EZH1: variants seen among roughly 807,000 people sequenced by gnomAD.
EZH1 encodes the protein histone-lysine N-methyltransferase EZH1.
EZH1 carries 33 observed loss-of-function variants against 100.5 expected under a neutral mutation model. The observed-to-expected ratio is 0.33, with a 90% CI of 0.25 to 0.44. The LOEUF (loss-of-function observed/expected upper bound fraction) is 0.44. EZH1 is among the 20% of genes least tolerant of loss of function. The probability of loss-of-function intolerance (pLI) is 1.00; values close to 1 mark genes in which losing one functional copy is unlikely to be tolerated. For synonymous variants in EZH1, 272 were observed against 313.8 expected (o/e 0.87, Z 1.41); for missense variants, 475 against 928.4 (o/e 0.51, Z 6.35).
chr17:42,732,882 A>G (rs1376926099), intron 1 of EZH1, among the ~76,000 whole-genome samples: 1 of 151,874 alleles, frequency 6.6e-6, no homozygotes, highest in Non-Finnish European at 1.5e-5. Context: ...CTAGGAGATC[A>G]AGGCTAGAGT....
intron 5 of EZH1, 44 bp from the exon 6 acceptor site, chr17:42,722,959 C>A: frequency 6.3e-7 from 1 of 1,595,738 alleles, no homozygotes; most frequent in Non-Finnish European, 8.5e-7. Context: ...AGCCATCATG[C>A]ATCTGCTCTT....
rs1257033906 is a variant in EZH1 at position 42,706,943 on chromosome 17, A to G, written c.1661-758T>C. Among the ~76,000 whole-genome samples the G allele has an allele frequency of 6.6e-6, 1 of 152,146 alleles. No homozygotes were observed. Among genetic ancestry groups the G allele is most frequent in the African/African-American group, 2.4e-5 (1 of 41,428 alleles). On this transcript the variant is annotated intron_variant, in intron 15 of 20. Coordinates refer to ENST00000428826, the MANE Select transcript of EZH1 (RefSeq NM_001991.5). This position sits in a 1 kb window ranked among gnomAD's most constrained non-coding sequence, Gnocchi z 4.4. ...CTTCTCTGCTGCGGCTAAGATCACT[A>G]TCTGCTATGGGTTAGGAGGTATTTC...
chr17:42,709,561 G>A, intron 13 of EZH1: 1 of 315,436 alleles, frequency 3.2e-6, no homozygotes, highest in South Asian at 8.3e-5. Flanking sequence ...AATGGCTTCA[G>A]GGTGGAGCCA....
chr17:42,718,341 A>C lies in EZH1; in HGVS notation c.931+113T>G. 7.2e-7 allele frequency: 1 copy of C among 1,388,994 alleles called. No homozygotes were observed. The highest frequency in any genetic ancestry group is 9.7e-7 in the Non-Finnish European group (1 of 1,027,690). 86.0% of individuals were successfully genotyped at this position (1,388,994 alleles called of 1,614,324 possible). ...GGGAAAATAGAACTGGCCCTTTGTA[A>C]AACGTTAGAACAGAAGCCAGGAACT... On this transcript the variant is annotated intron_variant, in intron 9 of 20. Transcript: ENST00000428826. This position sits in a 1 kb window ranked among gnomAD's most constrained non-coding sequence, Gnocchi z 4.2.
intron 1 of EZH1, among the ~76,000 whole-genome samples, chr17:42,738,892 G>A (rs1455426023): frequency 6.6e-6 from 1 of 151,012 alleles, no homozygotes; most frequent in African/African-American, 2.4e-5. Flanking sequence ...CCCCTGAGTA[G>A]CTGGGACTAT....
intron 4 of EZH1, among the ~76,000 whole-genome samples, chr17:42,724,792 A>G (rs556600733): frequency 3.4e-4 from 51 of 151,718 alleles, no homozygotes; most frequent in East Asian, 1.9e-4. Context: ...AAAGAAAAAA[A>G]AGAGAAAAAA....
At chr17:42,703,227 T>A in intron 19 of EZH1, 1 of 395,814 alleles carries the variant, frequency 2.5e-6, no homozygotes, top group Non-Finnish European at 4.7e-6. Flanking sequence ...CAGGCTGGAG[T>A]GCAGTGGCAT....
chr17:42,704,554 A>G (rs1353291906), intron 18 of EZH1, 48 bp downstream of exon 18: 4 of 1,469,330 alleles, frequency 2.7e-6, no homozygotes, highest in Non-Finnish European at 3.8e-6. Flanking sequence ...TCTCAAAAAA[A>G]GAAAAAAAAA....
At position 42,745,028 on chromosome 17, in the gene EZH1, G is replaced by T; in HGVS notation, c.-120C>A. ...TCACTCACCCTCCATCCCGAGCCGC[G>T]GGTCCCGCTGCTAGGACGCATGCGC... On this transcript the variant is annotated 5_prime_UTR_variant, in exon 1 of 21. Coordinates refer to ENST00000428826, the MANE Select transcript of EZH1 (RefSeq NM_001991.5). The T allele has an allele frequency of 7.9e-7, 1 of 1,260,326 alleles. No homozygotes were observed. The allele number at this position is 1,260,326 out of a possible 1,614,324, so 78.1% of individuals were successfully genotyped here. A position where few individuals can be genotyped will look rare whatever the true frequency, so the allele number is the denominator to read the frequency against.
At chr17:42,736,517 T>G (rs985800539) in intron 1 of EZH1, among the ~76,000 whole-genome samples, 2 of 152,210 alleles carry the variant, frequency 1.3e-5, no homozygotes, top group Non-Finnish European at 2.9e-5. Flanking sequence ...TTCTATACAT[T>G]CACACCACAT....
At chr17:42,708,596 A>G (rs1317389979) in intron 14 of EZH1, among the ~76,000 whole-genome samples, 1 of 152,180 alleles carries the variant, frequency 6.6e-6, no homozygotes, top group African/African-American at 2.4e-5. Context: ...CGGAGGTTGC[A>G]GTGAGCCAAG....
At chr17:42,742,264 T>C (rs2054190559) in intron 1 of EZH1, among the ~76,000 whole-genome samples, 1 of 151,752 alleles carries the variant, frequency 6.6e-6, no homozygotes, top group Non-Finnish European at 1.5e-5. Flanking sequence ...CACCTCTGTC[T>C]CCCAAGAGCT....
intron 15 of EZH1, among the ~76,000 whole-genome samples, chr17:42,707,582 AT>A (rs1328897858): frequency 6.6e-6 from 1 of 151,846 alleles, no homozygotes; most frequent in Non-Finnish European, 1.5e-5. Context: ...TTTAGTAGAG[AT>A]GAGGTTTCGC....
chr17:42,721,860 A>G (rs533707781), intron 6 of EZH1, among the ~76,000 whole-genome samples: 3 of 151,964 alleles, frequency 2.0e-5, no homozygotes, highest in East Asian at 3.9e-4. Context: ...AAATTTTAAA[A>G]ATAAGCCAGG....
chr17:42,704,759 G>T, intron 17 of EZH1, 76 bp from the exon 18 acceptor site: 8 of 1,185,484 alleles, frequency 6.7e-6, no homozygotes, highest in Non-Finnish European at 8.6e-6. Flanking sequence ...CCCAGAAAGG[G>T]CTGGGTGGTA....
chr17:42,726,903 G>T (rs2053832039), intron 4 of EZH1, among the ~76,000 whole-genome samples: 1 of 151,870 alleles, frequency 6.6e-6, no homozygotes. Flanking sequence ...AGGCTGGAGT[G>T]CAGTGGTGTG....
At chr17:42,733,855 C>A (rs918752064) in intron 1 of EZH1, among the ~76,000 whole-genome samples, 2 of 144,366 alleles carry the variant, frequency 1.4e-5, no homozygotes, top group East Asian at 4.2e-4. Context: ...GCAGAAGAAT[C>A]GATTGAACAC....
At chr17:42,735,494 A>T (rs1035111019) in intron 1 of EZH1, among the ~76,000 whole-genome samples, 3 of 152,160 alleles carry the variant, frequency 2.0e-5, no homozygotes, top group African/African-American at 7.2e-5. Flanking sequence ...TTTCTACCAG[A>T]TCTATTATTT....
At chr17:42,720,493 T>C in intron 6 of EZH1, 44 bp from the exon 7 acceptor site, 5 of 1,562,972 alleles carry the variant, frequency 3.2e-6, no homozygotes, top group Non-Finnish European at 4.3e-6. Context: ...TCACTTCACA[T>C]TCCATTAGTC....
Sources: allele counts gnomAD v4.1 joint callset (sites outside exome capture counted in the v4.1 genomes callset), GRCh38; gene constraint gnomAD v4.1.1; non-coding constraint Gnocchi (gnomAD v3.1); transcripts MANE v1.5; gene names NCBI Gene and HGNC (gene_info 2026-07-23, HGNC 2026-07-21).